PDE1A: variants seen among roughly 807,000 people sequenced by gnomAD.
PDE1A encodes dual specificity calcium/calmodulin-dependent 3',5'-cyclic nucleotide phosphodiesterase 1A.
A neutral mutation model predicts 61.7 loss-of-function variants in PDE1A; 35 were observed. The ratio of observed to expected loss-of-function variants is 0.57; its 90% CI spans 0.43 to 0.75. The LOEUF is 0.75. Among genes scored for constraint, PDE1A ranks in the 30% least tolerant of loss-of-function variants. The pLI is 0.00. For synonymous variants in PDE1A, 232 were observed against 213.2 expected (o/e 1.09, Z -0.77); for missense variants, 597 against 630.6 (o/e 0.95, Z 0.57).
upstream of PDE1A, among the ~76,000 whole-genome samples, chr2:182,431,623 G>A (rs1262102734): frequency 2.6e-5 from 4 of 152,072 alleles, no homozygotes; most frequent in Admixed American, 2.0e-4. Flanking sequence ...TCAGCATTTT[G>A]TTCATTCTTT....
At chr2:182,549,708 C>T in the PDE1A span, among the ~76,000 whole-genome samples, 10 of 152,196 alleles carry the variant, frequency 6.6e-5, no homozygotes, top group African/African-American at 2.4e-4. Context: ...ATTCTAAGTA[C>T]ATATTTTTTT....
intron 2 of PDE1A, 98 bp from the exon 3 acceptor site, chr2:182,240,390 A>G (rs1476556064): frequency 4.4e-6 from 3 of 678,118 alleles, no homozygotes; most frequent in Non-Finnish European, 6.8e-6. Context: ...AATATAGCCA[A>G]TCACTCTCTG....
the PDE1A span, among the ~76,000 whole-genome samples, chr2:182,650,978 G>A: frequency 6.6e-5 from 10 of 152,116 alleles, no homozygotes; most frequent in African/African-American, 2.2e-4. Context: ...AGTCTTATTT[G>A]TGTTTTGTTT....
intron 2 of PDE1A, among the ~76,000 whole-genome samples, chr2:182,511,590 A>G (rs1255377686): frequency 1.3e-5 from 2 of 152,186 alleles, no homozygotes; most frequent in African/African-American, 2.4e-5. Context: ...GAACAGCTAT[A>G]GTGGAGCACA....
chr2:182,186,632 T>A (rs1685229537), intron 11 of PDE1A, 44 bp from the exon 12 acceptor site: 1 of 1,554,224 alleles, frequency 6.4e-7, no homozygotes, highest in Non-Finnish European at 8.7e-7. Context: ...AATTCAAGTG[T>A]TACAATTTCC....
chr2:182,495,190 G>A (rs760851321), intron 2 of PDE1A, among the ~76,000 whole-genome samples: 1 of 152,172 alleles, frequency 6.6e-6, no homozygotes, highest in Non-Finnish European at 1.5e-5. Flanking sequence ...TGCTGACAAA[G>A]GCAGCTCCAG....
chr2:182,543,258 CA>C, the PDE1A span, among the ~76,000 whole-genome samples: 1 of 152,202 alleles, frequency 6.6e-6, no homozygotes, highest in Admixed American at 6.5e-5. Flanking sequence ...AATGTTTTCC[CA>C]AAAATGCCCT....
intron 1 of PDE1A, among the ~76,000 whole-genome samples, chr2:182,374,310 C>A (rs1700275597): frequency 6.6e-6 from 1 of 151,914 alleles, no homozygotes; most frequent in Admixed American, 6.6e-5. Flanking sequence ...CCACCTCACA[C>A]CATAGATAAG....
At chr2:182,175,904 G>A (rs1424390882) in intron 13 of PDE1A, among the ~76,000 whole-genome samples, 173 of 139,784 alleles carry the variant, frequency 1.2e-3, no homozygotes, top group Non-Finnish European at 2.2e-3. Flanking sequence ...TCTACATATG[G>A]CTAGCCAGTT....
chr2:182,399,410 G>A (rs372947551), intron 1 of PDE1A, among the ~76,000 whole-genome samples: 5 of 151,712 alleles, frequency 3.3e-5, no homozygotes, highest in South Asian at 2.1e-4. Context: ...TCTAATCCCC[G>A]GAAACTCCTG....
chr2:182,421,888 A>G (rs949363496), intron 1 of PDE1A, among the ~76,000 whole-genome samples: 3 of 152,216 alleles, frequency 2.0e-5, no homozygotes, highest in Admixed American at 6.5e-5. Flanking sequence ...CAAAATTAGG[A>G]TGTGCTTTTC....
intron 2 of PDE1A, among the ~76,000 whole-genome samples, chr2:182,456,248 C>A (rs902331567): frequency 6.6e-6 from 1 of 152,026 alleles, no homozygotes; most frequent in Non-Finnish European, 1.5e-5. Context: ...ATCGGCCCCC[C>A]TTCCCAAGCC....
chr2:182,680,856 A>C, the PDE1A span, among the ~76,000 whole-genome samples: 1 of 152,216 alleles, frequency 6.6e-6, no homozygotes, highest in Non-Finnish European at 1.5e-5. Flanking sequence ...CCCCATAGGC[A>C]GTGTATAGAC....
intron 3 of PDE1A, among the ~76,000 whole-genome samples, chr2:182,236,402 C>A (rs1574103900): frequency 6.7e-6 from 1 of 148,216 alleles, no homozygotes; most frequent in Admixed American, 6.7e-5. Flanking sequence ...ACTATTAATA[C>A]TAAAAAAATG....
At chr2:182,348,857 C>T (rs1317077439) in intron 1 of PDE1A, among the ~76,000 whole-genome samples, 1 of 151,580 alleles carries the variant, frequency 6.6e-6, no homozygotes, top group African/African-American at 2.4e-5. Context: ...TCTACTAAAA[C>T]AGATTGAGCT....
chr2:182,599,177 A>T, the PDE1A span, among the ~76,000 whole-genome samples: 1 of 152,128 alleles, frequency 6.6e-6, no homozygotes, highest in Non-Finnish European at 1.5e-5. Flanking sequence ...ACAGGCTCAG[A>T]AGTGACTGCT....
chr2:182,273,401 G>A (rs1451850905), intron 1 of PDE1A, among the ~76,000 whole-genome samples: 2 of 151,772 alleles, frequency 1.3e-5, no homozygotes, highest in Non-Finnish European at 2.9e-5. Flanking sequence ...TAGTGATGTT[G>A]AGATACAGTT....
At chr2:182,160,751 G>A (rs749724286) in intron 13 of PDE1A, among the ~76,000 whole-genome samples, 1 of 152,134 alleles carries the variant, frequency 6.6e-6, no homozygotes, top group Non-Finnish European at 1.5e-5. Context: ...CTTTGTGACA[G>A]TGTGAGCCAA....
At chr2:182,652,740 G>A in the PDE1A span, among the ~76,000 whole-genome samples, 1 of 152,128 alleles carries the variant, frequency 6.6e-6, no homozygotes, top group East Asian at 1.9e-4. Flanking sequence ...AACTACAAAT[G>A]CTGCAACTGG....
Sources: gnomAD v4.1 joint callset for allele counts (sites outside exome capture counted in the v4.1 genomes callset) on GRCh38, gnomAD v4.1.1 for gene constraint, MANE v1.5 for transcripts, NCBI Gene and HGNC (gene_info 2026-07-23, HGNC 2026-07-21) for gene names.